The following SLC9A9 variants were observed in gnomAD, a reference collection of about 807,000 sequenced individuals.
SLC9A9 encodes solute carrier family 9 member A9.
SLC9A9 carries 62 observed loss-of-function variants against 77.8 expected under a neutral mutation model. The ratio of observed to expected loss-of-function variants is 0.80; its 90% confidence interval spans 0.65 to 0.98. SLC9A9 has a LOEUF of 0.98. SLC9A9 is among the 50% of genes least tolerant of loss of function. SLC9A9 has a pLI of 0.00. For synonymous variants in SLC9A9, 320 were observed against 283.5 expected (o/e 1.13, Z -1.29); for missense variants, 775 against 774.9 (o/e 1.00, Z 0.00).
At chr3:143,737,020 T>A (rs1289624021) in intron 4 of SLC9A9, among the ~76,000 whole-genome samples, 1 of 152,150 alleles carries the variant, frequency 6.6e-6, no homozygotes, top group East Asian at 1.9e-4. Context: ...CTAATAATAT[T>A]CTTTGATTAA....
chr3:143,495,291 G>C (rs528974817), intron 10 of SLC9A9, 44 bp downstream of exon 10: 1 of 1,476,864 alleles, frequency 6.8e-7, no homozygotes, highest in Non-Finnish European at 9.5e-7. Flanking sequence ...TAAGTCATTC[G>C]TTATCTTCTC....
chr3:143,701,634 A>G (rs964586413), intron 4 of SLC9A9, among the ~76,000 whole-genome samples: 34 of 152,170 alleles, frequency 2.2e-4, no homozygotes, highest in African/African-American at 8.2e-4. Context: ...AGAAAAAAGA[A>G]TAAAAAACAA....
chr3:143,515,667 CTCTTCATTTGTTAA>C (rs2036193422), intron 9 of SLC9A9, among the ~76,000 whole-genome samples: 1 of 152,060 alleles, frequency 6.6e-6, no homozygotes, highest in Admixed American at 6.5e-5. Context: ...AGATTATTTT[CTCTTCATTTGTTAA>C]TGTAGTAAAC....
chr3:143,343,621 C>T (rs2032176237), intron 14 of SLC9A9: 1 of 152,174 alleles, frequency 6.6e-6, no homozygotes, highest in African/African-American at 2.4e-5. Context: ...GATGGTGAGT[C>T]TACCACTGAT....
chr3:143,372,029 A>G (rs997537337), intron 13 of SLC9A9: 8 of 423,654 alleles, frequency 1.9e-5, no homozygotes, highest in African/African-American at 1.2e-4. Context: ...AAAGATCTCT[A>G]TGAGTAGAAC....
chr3:143,426,922 C>T (rs1052215071), intron 12 of SLC9A9, among the ~76,000 whole-genome samples: 2 of 152,164 alleles, frequency 1.3e-5, no homozygotes, highest in African/African-American at 4.8e-5. Context: ...GGCTATAGAA[C>T]TTGTAAGTGG....
chr3:143,384,833 C>T (rs1311896458), intron 12 of SLC9A9, among the ~76,000 whole-genome samples: 1 of 152,146 alleles, frequency 6.6e-6, no homozygotes, highest in South Asian at 2.1e-4. Flanking sequence ...ACGGTCCTTG[C>T]CCACACAGGG....
At chr3:143,625,392 A>G (rs1257158832) in intron 6 of SLC9A9, among the ~76,000 whole-genome samples, 14 of 152,196 alleles carry the variant, frequency 9.2e-5, no homozygotes, top group South Asian at 2.1e-4. Context: ...AACCAAAACA[A>G]CATGGTACTG....
At chr3:143,270,728 C>T (rs1702396608) in intron 14 of SLC9A9, among the ~76,000 whole-genome samples, 1 of 152,086 alleles carries the variant, frequency 6.6e-6, no homozygotes. Context: ...GAGGCCTGAG[C>T]AACTTCTGCT....
At chr3:143,393,278 A>T (rs1215959826) in intron 12 of SLC9A9, among the ~76,000 whole-genome samples, 1 of 152,240 alleles carries the variant, frequency 6.6e-6, no homozygotes, top group African/African-American at 2.4e-5. Context: ...ATCAAACTAG[A>T]ACTCAGGATT....
chr3:143,727,496 T>C (rs191779465), intron 4 of SLC9A9, among the ~76,000 whole-genome samples: 15 of 152,290 alleles, frequency 9.8e-5, no homozygotes, highest in African/African-American at 3.4e-4. Context: ...CATTAGCCTA[T>C]GAGAACCAAA....
chr3:143,578,420 C>T (rs1036151935), intron 7 of SLC9A9, among the ~76,000 whole-genome samples, 165 bp downstream of exon 7: 1 of 152,156 alleles, frequency 6.6e-6, no homozygotes, highest in African/African-American at 2.4e-5. Flanking sequence ...CAACCTATGC[C>T]TCCAGGGGTG....
intron 13 of SLC9A9, among the ~76,000 whole-genome samples, chr3:143,371,601 G>A (rs958287130): frequency 1.3e-5 from 2 of 151,924 alleles, no homozygotes; most frequent in Non-Finnish European, 2.9e-5. Context: ...AACAGGCAAT[G>A]GAATTAAAAT....
At chr3:143,518,127 C>T in intron 9 of SLC9A9, 2 of 1,599,974 alleles carry the variant, frequency 1.3e-6, no homozygotes, top group South Asian at 1.1e-5. Flanking sequence ...ATGCTCTCCA[C>T]CCACTCCCTC....
intron 14 of SLC9A9, among the ~76,000 whole-genome samples, chr3:143,337,343 A>T (rs544261730): frequency 6.6e-6 from 1 of 152,142 alleles, no homozygotes; most frequent in East Asian, 1.9e-4. Flanking sequence ...GTATTTTGTC[A>T]TGTGTACTCT....
At chr3:143,705,903 GA>G (rs552132760) in intron 4 of SLC9A9, among the ~76,000 whole-genome samples, 14 of 152,332 alleles carry the variant, frequency 9.2e-5, no homozygotes, top group African/African-American at 3.1e-4. Flanking sequence ...TTTCCAGAAG[GA>G]GAGAGAAGTC....
rs540407590 is a variant in SLC9A9, at chr3:143,624,606, G to A, written c.755+27649C>T. On this transcript the variant is annotated intron_variant, in intron 6 of 15. Transcript: ENST00000316549. ...ACTCTCAATAAATCAGGTATTGATG[G>A]GACATATCTCAAAATAATAAGAGCT... is the stretch of plus-strand genomic sequence containing the variant. 1.5e-4 allele frequency among the ~76,000 whole-genome samples: 23 copies of A among 152,162 alleles called. No homozygotes were observed. The South Asian group carries it at 4.4e-3, about 29-fold the overall frequency.
At chr3:143,344,274 A>AGGAT (rs1315110326) in intron 14 of SLC9A9, among the ~76,000 whole-genome samples, 50 of 152,294 alleles carry the variant, frequency 3.3e-4, no homozygotes, top group African/African-American at 1.2e-3. Context: ...TTTCTCAAAC[A>AGGAT]ATTCAATATC....
At chr3:143,762,265 C>T (rs1454354534) in intron 4 of SLC9A9, among the ~76,000 whole-genome samples, 1 of 152,126 alleles carries the variant, frequency 6.6e-6, no homozygotes, top group Non-Finnish European at 1.5e-5. Context: ...GGGTGCAGCA[C>T]ACCAACATGG....
Sources: gnomAD v4.1 joint callset for allele counts (sites outside exome capture counted in the v4.1 genomes callset) on GRCh38, gnomAD v4.1.1 for gene constraint, MANE v1.5 for transcripts, NCBI Gene and HGNC (gene_info 2026-07-23, HGNC 2026-07-21) for gene names.